HTRA1: variants seen among roughly 807,000 people sequenced by gnomAD.
HTRA1 encodes serine protease HTRA1.
HTRA1 carries 26 observed loss-of-function variants against 49.7 expected under a neutral mutation model. That is an observed-to-expected ratio of 0.52 (90% confidence interval 0.38 to 0.73). The LOEUF (loss-of-function observed/expected upper bound fraction) is 0.73, where lower values mean the gene tolerates loss of function less well. Ranked by LOEUF, HTRA1 falls within the 30% of genes least tolerant of loss-of-function variation. The probability of loss-of-function intolerance (pLI) is 0.00; values close to 1 mark genes in which losing one functional copy is unlikely to be tolerated. For missense variants in HTRA1, 561 were observed against 667.2 expected (o/e 0.84, Z 1.75); for synonymous variants, 291 against 286.9 (o/e 1.01, Z -0.14).
chr10:122,462,051 C>G lies in HTRA1; in HGVS notation c.399C>G (p.Arg133=). 1 of 1,533,488 alleles carries G rather than the reference C, an allele frequency of 6.5e-7. No individual in the cohort carries two copies. Among genetic ancestry groups the G allele is most frequent in the Non-Finnish European group, 8.7e-7 (1 of 1,146,446 alleles). 95.0% of individuals were successfully genotyped at this position (1,533,488 alleles called of 1,614,324 possible). ...ANTYANLCQL[R]AASRRSERLH... Reference sequence around the variant, plus strand: ...CCTACGCCAACCTGTGCCAGCTGCGCGCCGCCAGCCGCCGCTCCGAGAGGC... The same window carrying G: ...CCTACGCCAACCTGTGCCAGCTGCGGGCCGCCAGCCGCCGCTCCGAGAGGC... The change falls in exon 1 of 9, where the codon CGC becomes CGG. Residue 133 remains arginine, a synonymous_variant. Transcript: ENST00000368984.
intron 8 of HTRA1, among the ~76,000 whole-genome samples, chr10:122,513,565 G>A (rs890160399): frequency 3.8e-5 from 5 of 131,776 alleles, no homozygotes; most frequent in Admixed American, 1.8e-4. Context: ...GGAGGCTGAA[G>A]CAGAAGGATC....
intron 7 of HTRA1, among the ~76,000 whole-genome samples, chr10:122,511,478 AT>A (rs2097505532): frequency 6.6e-6 from 1 of 152,148 alleles, no homozygotes; most frequent in African/African-American, 2.4e-5. Context: ...CACATCTGTA[AT>A]CCCAGCACTT....
rs1318780799 is a variant in HTRA1 at position 122,461,604 on chromosome 10, T to A, written c.-49T>A. The A allele has an allele frequency of 1.7e-6, 2 of 1,195,432 alleles. No homozygotes were observed. Among genetic ancestry groups the A allele is most frequent in the Non-Finnish European group, 2.2e-6 (2 of 917,782 alleles). 74.1% of individuals were successfully genotyped at this position (1,195,432 alleles called of 1,614,324 possible). On this transcript the variant is annotated 5_prime_UTR_variant, in exon 1 of 9. Transcript: ENST00000368984. ...TCCTGCACTCTCCCCGGCGCCGCTC[T>A]CCGGCCCTCGCCCTGTCCGCCGCCA... is the stretch of plus-strand genomic sequence containing the variant.
intron 1 of HTRA1, among the ~76,000 whole-genome samples, chr10:122,482,355 G>A (rs1218893848): frequency 6.6e-6 from 1 of 152,096 alleles, no homozygotes; most frequent in Non-Finnish European, 1.5e-5. Context: ...ATCATGAAAA[G>A]GGATGTAGTG....
Position 122,488,971 on chromosome 10 carries a change from CT to C in HTRA1, c.543del (p.Ala182ProfsTer33), listed in dbSNP as rs1273355332. 1 of 1,614,056 alleles carries C rather than the reference CT, an allele frequency of 6.2e-7. No individual in the cohort carries two copies. The highest frequency in any genetic ancestry group is 8.5e-7 in the Non-Finnish European group (1 of 1,179,914). On this transcript the variant is annotated frameshift_variant, in exon 2 of 9. Transcript: ENST00000368984. LOFTEE classifies it high-confidence loss of function. ...FIADVVEKIA[P>X]AVVHIELFRK... ...GCGGACGTGGTGGAGAAGATCGCCC[CT>C]GCCGTGGTTCATATCGAATTGTTTC...
At chr10:122,473,366 G>A (rs928308912) in intron 1 of HTRA1, among the ~76,000 whole-genome samples, 1 of 152,134 alleles carries the variant, frequency 6.6e-6, no homozygotes, top group East Asian at 1.9e-4. Context: ...CCCAGAGCTC[G>A]CTGCACTGAG....
In HTRA1 at chr10:122,511,975, C is replaced by T. The variant is rs2097505861; in HGVS notation, c.1184C>T (p.Ala395Val). The change falls in exon 8 of 9, where the codon GCC (alanine) becomes GTC (valine). Residue 395 changes from alanine to valine, a missense_variant. By Grantham distance (64) the Ala-to-Val change is moderately conservative. Coordinates refer to ENST00000368984, the MANE Select transcript of HTRA1 (RefSeq NM_002775.5). ...IRMMSLTSSK[A>V]KELKDRHRDF... is the part of the protein sequence containing the mutation. ...GTGCTTTTTCTCTGGAGCAGCAAAGCCAAAGAGCTGAAGGACCGGCACCGG... is the reference window on the plus strand; with the variant it reads ...GTGCTTTTTCTCTGGAGCAGCAAAGTCAAAGAGCTGAAGGACCGGCACCGG... 1 of 1,613,478 alleles carries T rather than the reference C, an allele frequency of 6.2e-7. No homozygotes were observed. The highest frequency in any genetic ancestry group is 8.5e-7 in the Non-Finnish European group (1 of 1,179,722).
chr10:122,470,790 C>T (rs540195580), intron 1 of HTRA1, among the ~76,000 whole-genome samples: 1 of 152,194 alleles, frequency 6.6e-6, no homozygotes, highest in East Asian at 1.9e-4. Flanking sequence ...TTCCAGGACT[C>T]CTGATAGAGC....
intron 1 of HTRA1, among the ~76,000 whole-genome samples, chr10:122,474,386 A>C (rs2097487508): frequency 6.6e-6 from 1 of 152,082 alleles, no homozygotes; most frequent in Admixed American, 6.5e-5. Context: ...TGCTTGGAAG[A>C]ACTGGCTTCT....
At position 122,462,695 on chromosome 10, in the gene HTRA1, C is replaced by A. The variant is rs543791523; in HGVS notation, c.472+571C>A. On this transcript the variant is annotated intron_variant, in intron 1 of 8. Transcript: ENST00000368984. ...CAAAAAGTCTACCCCGAGCAGGGAA[C>A]GGTTTGGCACCGCTCTCGTTTCGGC... 2.6e-5 allele frequency among the ~76,000 whole-genome samples: 4 copies of A among 152,366 alleles called. No homozygotes were observed. The East Asian group carries it at 7.7e-4, about 29-fold the overall frequency.
At chr10:122,478,068 A>C (rs1371258624) in intron 1 of HTRA1, among the ~76,000 whole-genome samples, 1 of 152,162 alleles carries the variant, frequency 6.6e-6, no homozygotes, top group African/African-American at 2.4e-5. Context: ...CTGTCTTCAC[A>C]TCTCATCCTT....
chr10:122,478,850 C>T (rs149163953), intron 1 of HTRA1, among the ~76,000 whole-genome samples: 236 of 152,302 alleles, frequency 1.5e-3, no homozygotes, highest in African/African-American at 5.2e-3. Flanking sequence ...CACCTTGCCC[C>T]GTGTTCAGAA....
At chr10:122,483,699 C>G (rs1215755639) in intron 1 of HTRA1, among the ~76,000 whole-genome samples, 1 of 152,210 alleles carries the variant, frequency 6.6e-6, no homozygotes, top group Non-Finnish European at 1.5e-5. Flanking sequence ...AGTGAATCTT[C>G]TGATCTACAA....
chr10:122,501,249 C>T lies in HTRA1; in HGVS notation c.778-5442C>T, dbSNP rs148655854. On this transcript the variant is annotated intron_variant, in intron 3 of 8. Transcript: ENST00000368984. The stretch of plus-strand genomic sequence containing the variant: ...GGACACGCGCCGTGGGAGTGATTTC[C>T]CTGCCTTGCCCAGATTCTGCTCCCA... Among the ~76,000 whole-genome samples the T allele has an allele frequency of 3.1e-3, 479 of 152,268 alleles. 2 individuals carry two copies. Among genetic ancestry groups the T allele is most frequent in the African/African-American group, 0.011 (456 of 41,540 alleles).
intron 6 of HTRA1, among the ~76,000 whole-genome samples, chr10:122,509,260 G>A (rs1185073639): frequency 6.6e-6 from 1 of 152,188 alleles, no homozygotes; most frequent in Non-Finnish European, 1.5e-5. Flanking sequence ...TGGGGGATGG[G>A]AAGGCTGACA....
Position 122,489,590 on chromosome 10 carries a change from G to A in HTRA1, c.741G>A (p.Glu247=). 6.2e-7 allele frequency: 1 copy of A among 1,614,048 alleles called. No homozygotes were observed. Among genetic ancestry groups the A allele is most frequent in the Non-Finnish European group, 8.5e-7 (1 of 1,180,006 alleles). ...TYEAKIKDVD[E]KADIALIKID... is the part of the protein sequence containing the mutation. ...AAGCCAAAATCAAGGATGTGGATGA[G>A]AAAGCAGACATCGCACTCATCAAAA... is the stretch of plus-strand genomic sequence containing the variant. The change falls in exon 3 of 9, where the codon GAG becomes GAA. Residue 247 remains glutamate (E), a synonymous_variant. Coordinates refer to ENST00000368984, the MANE Select transcript of HTRA1 (RefSeq NM_002775.5).
chr10:122,483,737 GTCT>G (rs1210655595), intron 1 of HTRA1, among the ~76,000 whole-genome samples: 1 of 152,080 alleles, frequency 6.6e-6, no homozygotes, highest in East Asian at 1.9e-4. Flanking sequence ...ATTTATTTAG[GTCT>G]TCTTTATTTT....
intron 1 of HTRA1, among the ~76,000 whole-genome samples, chr10:122,468,118 A>G (rs1565408591): frequency 6.6e-6 from 1 of 152,200 alleles, no homozygotes; most frequent in Non-Finnish European, 1.5e-5. Flanking sequence ...CTCAGAGGTA[A>G]GGGCTGGTGG....
Position 122,489,517 on chromosome 10 carries a change from C to T in HTRA1, c.668C>T (p.Thr223Ile). Residue 223 changes from threonine to isoleucine, a missense_variant, in exon 3 of 9, where the codon ACC becomes ATC. This residue lies in a region of HTRA1 where 271 missense variants were observed against 410.0 expected (regional missense o/e 0.66). Coordinates refer to ENST00000368984, the MANE Select transcript of HTRA1 (RefSeq NM_002775.5). ...GLIVTNAHVV[T>I]NKHRVKVELK... ...ATCGTGACAAATGCCCACGTGGTGA[C>T]CAACAAGCACCGGGTCAAAGTTGAG... 1 of 1,614,104 alleles carries T rather than the reference C, an allele frequency of 6.2e-7. No homozygotes were observed. The highest frequency in any genetic ancestry group is 8.5e-7 in the Non-Finnish European group (1 of 1,180,016).
Sources: allele counts gnomAD v4.1 joint callset (sites outside exome capture counted in the v4.1 genomes callset), GRCh38; gene constraint gnomAD v4.1.1; regional missense constraint gnomAD v4.1.1; transcripts MANE v1.5; gene names NCBI Gene and HGNC (gene_info 2026-07-23, HGNC 2026-07-21).